WASF2: variants seen among roughly 807,000 people sequenced by gnomAD.
WASF2 encodes WASP family member 2.
A neutral mutation model predicts 45.0 loss-of-function variants in WASF2; 14 were observed. The ratio of observed to expected loss-of-function variants is 0.31; its 90% CI spans 0.21 to 0.49. WASF2 has a LOEUF of 0.49. WASF2 is among the 20% of genes least tolerant of loss of function. WASF2 has a pLI of 0.99. For missense variants in WASF2, 439 were observed against 636.1 expected (o/e 0.69, Z 3.33); for synonymous variants, 200 against 236.3 (o/e 0.85, Z 1.41).
intron 2 of WASF2, 82 bp downstream of exon 2, chr1:27,428,679 A>G: frequency 1.2e-6 from 2 of 1,605,276 alleles, no homozygotes; most frequent in Non-Finnish European, 1.7e-6. Flanking sequence ...GGGGAGAAAT[A>G]GGAACGCGGG....
chr1:27,458,732 G>A (rs1368414918), intron 1 of WASF2, among the ~76,000 whole-genome samples: 2 of 152,040 alleles, frequency 1.3e-5, no homozygotes, highest in Admixed American at 6.6e-5. Flanking sequence ...GGTGGAGGTT[G>A]CAGTGAGCCG....
At chr1:27,429,332 C>G (rs995685058) in intron 1 of WASF2, among the ~76,000 whole-genome samples, 6 of 152,130 alleles carry the variant, frequency 3.9e-5, no homozygotes, top group African/African-American at 7.2e-5. Flanking sequence ...ATAACCAGGA[C>G]AGATCAGATT....
At chr1:27,418,012 C>T (rs1005413) in intron 4 of WASF2, among the ~76,000 whole-genome samples, 115,880 of 152,142 alleles carry the variant, frequency 0.76, 47,091 homozygotes, top group Non-Finnish European at 0.9. Context: ...TGAAATTAAA[C>T]TCTGTAGCAT....
At chr1:27,425,882 A>G (rs1476386585) in intron 2 of WASF2, among the ~76,000 whole-genome samples, 2 of 143,276 alleles carry the variant, frequency 1.4e-5, no homozygotes, top group African/African-American at 2.6e-5. Flanking sequence ...GTGTGGTGGC[A>G]CATGCCTGTA....
At chr1:27,469,899 G>A (rs531261910) in intron 1 of WASF2, among the ~76,000 whole-genome samples, 5 of 151,996 alleles carry the variant, frequency 3.3e-5, no homozygotes, top group South Asian at 2.1e-4. Context: ...AGCAGAGATC[G>A]CACCACCACA....
chr1:27,422,058 A>G (rs926838506), intron 2 of WASF2, among the ~76,000 whole-genome samples: 9 of 151,928 alleles, frequency 5.9e-5, no homozygotes, highest in African/African-American at 1.9e-4. Context: ...AAAACAATCA[A>G]CTTACACCAA....
At chr1:27,460,447 A>G (rs2017528885) in intron 1 of WASF2, among the ~76,000 whole-genome samples, 1 of 152,218 alleles carries the variant, frequency 6.6e-6, no homozygotes, top group Non-Finnish European at 1.5e-5. Flanking sequence ...GGTAAACAAG[A>G]TTCAATTATA....
chr1:27,408,451 A>G, intron 8 of WASF2, 105 bp from the exon 9 acceptor site: 3 of 1,441,968 alleles, frequency 2.1e-6, no homozygotes, highest in Non-Finnish European at 2.8e-6. Flanking sequence ...GTGGTATTGG[A>G]AAGGATAGAG....
At chr1:27,454,178 TA>T (rs2017431514) in intron 1 of WASF2, among the ~76,000 whole-genome samples, 3 of 9,226 alleles carry the variant, frequency 3.3e-4, no homozygotes, top group South Asian at 6.7e-3. Flanking sequence ...TATATATATA[TA>T]TATATATATT....
At chr1:27,487,539 TAA>T (rs1397747327) in intron 1 of WASF2, among the ~76,000 whole-genome samples, 1 of 107,326 alleles carries the variant, frequency 9.3e-6, no homozygotes, top group Non-Finnish European at 1.8e-5. Flanking sequence ...ATACAATATA[TAA>T]TATATATTAT....
intron 1 of WASF2, among the ~76,000 whole-genome samples, chr1:27,488,510 T>G (rs2148150165): frequency 6.6e-6 from 1 of 152,302 alleles, no homozygotes; most frequent in African/African-American, 2.4e-5. Flanking sequence ...AACCAAAGTC[T>G]AGTCTATATA....
chr1:27,468,756 G>A (rs2017649680), intron 1 of WASF2, among the ~76,000 whole-genome samples: 1 of 151,776 alleles, frequency 6.6e-6, no homozygotes. Context: ...AAGGAGGGTA[G>A]ATCACCTGAG....
chr1:27,430,439 C>T (rs1381524654), intron 1 of WASF2, among the ~76,000 whole-genome samples: 1 of 152,188 alleles, frequency 6.6e-6, no homozygotes, highest in Non-Finnish European at 1.5e-5. Context: ...CAGCTCACTG[C>T]AACCTCCACC....
rs145840056 is a variant in WASF2, at chr1:27,444,077, C to T, written c.-43-15144G>A. Among the ~76,000 whole-genome samples the T allele has an allele frequency of 1.6e-4, 25 of 152,264 alleles. No individual in the cohort carries two copies. The East Asian group carries it at 4.2e-3, about 26-fold the overall frequency. ...TACAGGCATGAGCCACCGCGCCTGGCCTTAGTTGTTTTTATTTTTTTGAGA... is the reference window on the plus strand; with the variant it reads ...TACAGGCATGAGCCACCGCGCCTGGTCTTAGTTGTTTTTATTTTTTTGAGA... On this transcript the variant is annotated intron_variant, in intron 1 of 8. Transcript: ENST00000618852.
At chr1:27,460,539 T>C (rs996588700) in intron 1 of WASF2, among the ~76,000 whole-genome samples, 2 of 152,206 alleles carry the variant, frequency 1.3e-5, no homozygotes, top group Non-Finnish European at 1.5e-5. Context: ...CCATTCACCT[T>C]GGTTTACATC....
intron 1 of WASF2, among the ~76,000 whole-genome samples, chr1:27,461,219 T>C (rs561939184): frequency 7.2e-5 from 11 of 152,284 alleles, no homozygotes; most frequent in South Asian, 2.1e-4. Flanking sequence ...TGGAGAAAAG[T>C]TGCAAGAATA....
At chr1:27,420,319 G>C (rs1268852012) in intron 2 of WASF2, among the ~76,000 whole-genome samples, 3 of 152,106 alleles carry the variant, frequency 2.0e-5, no homozygotes, top group Non-Finnish European at 2.9e-5. Context: ...CAACATAGCA[G>C]TGGTCTCTTT....
chr1:27,423,140 C>CAAAAAAAAAAAAAAA (rs35025475), intron 2 of WASF2, among the ~76,000 whole-genome samples: 1 of 103,298 alleles, frequency 9.7e-6, no homozygotes, highest in African/African-American at 3.7e-5. Context: ...GACTCCATCT[C>CAAAAAAAAAAAAAAA]AAAAAAAAAA....
chr1:27,469,040 AAGGGAGAGC>A (rs2017654942), intron 1 of WASF2, among the ~76,000 whole-genome samples: 1 of 152,200 alleles, frequency 6.6e-6, no homozygotes, highest in Non-Finnish European at 1.5e-5. Flanking sequence ...GGCAGGGATG[AAGGGAGAGC>A]AGAAAGAGAA....
Sources: allele counts gnomAD v4.1 joint callset (sites outside exome capture counted in the v4.1 genomes callset), GRCh38; gene constraint gnomAD v4.1.1; transcripts MANE v1.5; gene names NCBI Gene and HGNC (gene_info 2026-07-23, HGNC 2026-07-21).